Variants in TENM4 observed in about 807,000 individuals in gnomAD.
TENM4 encodes the protein teneurin transmembrane protein 4, also known as teneurin-4.
TENM4 carries 82 observed loss-of-function variants against 243.3 expected under a neutral mutation model. The observed-to-expected ratio is 0.34, with a 90% CI of 0.28 to 0.40. The LOEUF (loss-of-function observed/expected upper bound fraction) is 0.40, where lower values mean the gene tolerates loss of function less well. Among genes scored for constraint, TENM4 ranks in the 10% least tolerant of loss-of-function variants. The pLI, the probability that TENM4 is intolerant of heterozygous loss-of-function variation, is 1.00. For missense variants in TENM4, 3,138 were observed against 3,673.3 expected, an observed-to-expected ratio of 0.85 and a Z score of 3.77; for synonymous variants, 1,412 against 1,456.3, an observed-to-expected ratio of 0.97 and a Z score of 0.69.
intron 6 of TENM4, among the ~76,000 whole-genome samples, chr11:78,938,329 A>C (rs1266477307): frequency 6.6e-6 from 1 of 152,190 alleles, no homozygotes; most frequent in Admixed American, 6.5e-5. Context: ...AAGAGTTCCT[A>C]TGCACTTTTC....
chr11:79,385,327 T>C (rs1222206996), intron 1 of TENM4, among the ~76,000 whole-genome samples: 3 of 152,362 alleles, frequency 2.0e-5, no homozygotes, highest in Non-Finnish European at 4.4e-5. Context: ...AAGTTCACTG[T>C]CAACATTTTG....
intron 3 of TENM4, among the ~76,000 whole-genome samples, chr11:79,178,469 T>C (rs1328785180): frequency 6.6e-6 from 1 of 151,690 alleles, no homozygotes; most frequent in South Asian, 2.1e-4. Context: ...GAAGAACCAG[T>C]GAAAGAGGTG....
At chr11:78,809,701 G>A (rs1311610701) in intron 14 of TENM4, among the ~76,000 whole-genome samples, 1 of 152,186 alleles carries the variant, frequency 6.6e-6, no homozygotes, top group African/African-American at 2.4e-5. Flanking sequence ...GCTGGCCTTT[G>A]TCTGGAAGAC....
intron 1 of TENM4, among the ~76,000 whole-genome samples, chr11:79,335,612 T>C (rs1857135336): frequency 6.6e-6 from 1 of 152,178 alleles, no homozygotes; most frequent in Non-Finnish European, 1.5e-5. Flanking sequence ...CTCTGATGTA[T>C]GGGAGTGACT....
chr11:79,242,991 G>A (rs2135285100), intron 2 of TENM4, among the ~76,000 whole-genome samples: 1 of 152,276 alleles, frequency 6.6e-6, no homozygotes, highest in East Asian at 1.9e-4. Context: ...TTCGGGGCCT[G>A]GGGGCTAGGA....
chr11:78,917,843 G>T (rs550484143), intron 6 of TENM4, among the ~76,000 whole-genome samples: 37 of 152,290 alleles, frequency 2.4e-4, no homozygotes, highest in African/African-American at 8.2e-4. Flanking sequence ...TTTCCTAGCT[G>T]TGGCCCTGCC....
At chr11:79,040,737 AC>A (rs1184397000) in intron 6 of TENM4, among the ~76,000 whole-genome samples, 2 of 151,452 alleles carry the variant, frequency 1.3e-5, no homozygotes, top group African/African-American at 2.4e-5. Context: ...AGGCCTCTTT[AC>A]TCCCCCTTTG....
intron 2 of TENM4, among the ~76,000 whole-genome samples, chr11:79,248,080 C>T (rs933249634): frequency 1.3e-5 from 2 of 152,284 alleles, no homozygotes; most frequent in Non-Finnish European, 2.9e-5. Context: ...TGACGTGGCT[C>T]ATTGGGAGCT....
intron 27 of TENM4, 47 bp from the exon 28 acceptor site, chr11:78,702,450 C>T (rs1427646608): frequency 1.3e-6 from 2 of 1,574,600 alleles, no homozygotes; most frequent in Non-Finnish European, 1.7e-6. Context: ...AGATGCCCAC[C>T]ACTAATCCAT....
intron 3 of TENM4, among the ~76,000 whole-genome samples, chr11:79,176,065 C>T (rs557075699): frequency 3.3e-5 from 5 of 152,320 alleles, no homozygotes; most frequent in African/African-American, 1.2e-4. Flanking sequence ...GCACTCCAGC[C>T]TGGGTGACAG....
intron 6 of TENM4, among the ~76,000 whole-genome samples, chr11:78,981,266 A>G (rs1171899012): frequency 6.6e-6 from 1 of 152,230 alleles, no homozygotes; most frequent in Non-Finnish European, 1.5e-5. Flanking sequence ...CTATAAGGAT[A>G]GTAACAACCC....
intron 6 of TENM4, among the ~76,000 whole-genome samples, chr11:79,025,825 A>G (rs1421405174): frequency 6.6e-6 from 1 of 152,182 alleles, no homozygotes; most frequent in Non-Finnish European, 1.5e-5. Context: ...TACAGGAACA[A>G]CAGGAACAAA....
At chr11:79,089,071 C>T (rs1012594017) in intron 4 of TENM4, among the ~76,000 whole-genome samples, 4 of 152,216 alleles carry the variant, frequency 2.6e-5, no homozygotes, top group African/African-American at 9.6e-5. Flanking sequence ...CCCTGGTCTT[C>T]CTCCAGCTCT....
rs115298161 is a variant in TENM4, at chr11:79,319,137, G to A, written c.-320-21594C>T. ...TTACAGATGAAGAAACGGAGGCTTA[G>A]ACAAATTAAGTAGCTAGCCTAGAGT... On this transcript the variant is annotated intron_variant, in intron 1 of 33. Coordinates refer to ENST00000278550, the MANE Select transcript of TENM4 (RefSeq NM_001098816.3). Among the ~76,000 whole-genome samples, 451 of 152,340 alleles carry A rather than the reference G, an allele frequency of 3.0e-3. 1 individual carries two copies. Among genetic ancestry groups the A allele is most frequent in the African/African-American group, 0.01 (428 of 41,574 alleles).
intron 4 of TENM4, among the ~76,000 whole-genome samples, chr11:79,145,052 A>G (rs1054299328): frequency 1.3e-5 from 2 of 151,968 alleles, no homozygotes; most frequent in African/African-American, 2.4e-5. Flanking sequence ...CCATAAATAT[A>G]TATACCTACT....
chr11:78,998,576 T>C (rs1298935303), intron 6 of TENM4, among the ~76,000 whole-genome samples: 2 of 131,556 alleles, frequency 1.5e-5, no homozygotes, highest in African/African-American at 5.4e-5. Context: ...TGCTATATTT[T>C]AGGTAAGAAC....
intron 4 of TENM4, among the ~76,000 whole-genome samples, chr11:79,128,630 C>A (rs563589005): frequency 6.6e-6 from 1 of 152,190 alleles, no homozygotes. Flanking sequence ...GATATGCATG[C>A]ACCACCTGGA....
chr11:79,212,618 C>T (rs370005757), intron 3 of TENM4, among the ~76,000 whole-genome samples: 10 of 152,120 alleles, frequency 6.6e-5, no homozygotes, highest in Admixed American at 3.3e-4. Context: ...CCTGCAGCTA[C>T]GGTGACTCAC....
intron 12 of TENM4, among the ~76,000 whole-genome samples, chr11:78,828,286 A>G (rs1857902141): frequency 6.6e-6 from 1 of 152,178 alleles, no homozygotes; most frequent in Non-Finnish European, 1.5e-5. Context: ...TTAGCTAGAC[A>G]TGGTACTGGC....
Sources: allele counts gnomAD v4.1 joint callset (sites outside exome capture counted in the v4.1 genomes callset), GRCh38; gene constraint gnomAD v4.1.1; transcripts MANE v1.5; gene names NCBI Gene and HGNC (gene_info 2026-07-23, HGNC 2026-07-21).